The following CPLANE1 variants were observed in gnomAD, a reference collection of about 807,000 sequenced individuals.
The protein encoded by CPLANE1 is ciliogenesis and planar polarity effector complex subunit 1, also known as ciliogenesis and planar polarity effector 1.
In CPLANE1, 263 loss-of-function variants were observed where a neutral mutation model predicts 362.5. The ratio of observed to expected loss-of-function variants is 0.73; its 90% CI spans 0.66 to 0.80. CPLANE1 has a LOEUF of 0.80. CPLANE1 is among the 30% of genes least tolerant of loss of function. The pLI is 0.00. For missense variants in CPLANE1, 3,461 were observed against 3,793.4 expected, an observed-to-expected ratio of 0.91 and a Z score of 2.30; for synonymous variants, 1,212 against 1,302.6, an observed-to-expected ratio of 0.93 and a Z score of 1.50.
chr5:37,085,065 G>A, the CPLANE1 span: 1 of 702,540 alleles, frequency 1.4e-6, no homozygotes, highest in East Asian at 2.5e-5. Context: ...CATGGCTGGT[G>A]GTCCCAAGAA....
At chr5:37,239,346 T>C (rs1799755937) in intron 7 of CPLANE1, among the ~76,000 whole-genome samples, 1 of 151,920 alleles carries the variant, frequency 6.6e-6, no homozygotes, top group South Asian at 2.1e-4. Flanking sequence ...TTTGGGAGGC[T>C]GAGGTGGGAG....
At chr5:37,168,598 A>G (rs937568832) in intron 34 of CPLANE1, among the ~76,000 whole-genome samples, 193 bp downstream of exon 34, 2 of 152,210 alleles carry the variant, frequency 1.3e-5, no homozygotes, top group African/African-American at 4.8e-5. Flanking sequence ...TTGGCCTCCC[A>G]AAGTATTGGG....
chr5:37,237,062 C>T (rs1799161439), intron 8 of CPLANE1, among the ~76,000 whole-genome samples: 1 of 152,114 alleles, frequency 6.6e-6, no homozygotes, highest in Non-Finnish European at 1.5e-5. Flanking sequence ...TAGGAACTAC[C>T]ATTCAATCTA....
intron 15 of CPLANE1, among the ~76,000 whole-genome samples, chr5:37,219,537 GA>G (rs201991640): frequency 1.3e-5 from 2 of 148,564 alleles, no homozygotes; most frequent in Admixed American, 6.7e-5. Context: ...CAAAAAAAAA[GA>G]AAAAAAAAAT....
rs1783143728 is a variant in CPLANE1 at position 37,183,224 on chromosome 5, C to T, written c.4957G>A (p.Val1653Ile). ...AAAAAAGGTTTGATCCCTTGATTAACCAGTACTGATGATGAAAGTTTCTGG... is the reference window on the plus strand; with the variant it reads ...AAAAAAGGTTTGATCCCTTGATTAATCAGTACTGATGATGAAAGTTTCTGG... ...ENQKLSSSVLVNQGIKPFLQY... is the reference protein window; with the variant it reads ...ENQKLSSSVLINQGIKPFLQY... Residue 1653 changes from valine (V) to isoleucine (I), a missense_variant, in exon 26 of 53, where the codon GTT (valine) becomes ATT (isoleucine). Val to Ile is a conservative substitution (Grantham distance 29). This residue lies in a region of CPLANE1 where 3,380 missense variants were observed against 3,666.1 expected (regional missense o/e 0.92). Coordinates refer to ENST00000651892, the MANE Select transcript of CPLANE1 (RefSeq NM_001384732.1). 6.2e-7 allele frequency: 1 copy of T among 1,612,202 alleles called. No homozygotes were observed. Among genetic ancestry groups the T allele is most frequent in the Non-Finnish European group, 8.5e-7 (1 of 1,179,434 alleles).
At position 37,183,617 on chromosome 5, in the gene CPLANE1, T is replaced by C. The variant is rs536420243; in HGVS notation, c.4564A>G (p.Thr1522Ala). ...RKMCNQKENP[T>A]KKEDHEKLSQ... ...AACTTTTCATGATCTTCTTTCTTTG[T>C]AGGATTTTCTTTCTGATTACACATT... The change falls in exon 26 of 53, where the codon ACA (threonine) becomes GCA (alanine). Residue 1522 changes from threonine to alanine, a missense_variant. Coordinates refer to ENST00000651892, the MANE Select transcript of CPLANE1 (RefSeq NM_001384732.1). The C allele has an allele frequency of 3.1e-6, 5 of 1,612,428 alleles. No homozygotes were observed. Among genetic ancestry groups the C allele is most frequent in the East Asian group, 2.2e-5 (1 of 44,790 alleles).
chr5:37,076,406 G>GAT, the CPLANE1 span, among the ~76,000 whole-genome samples: 2,204 of 152,204 alleles, frequency 0.014, 59 homozygotes, highest in African/African-American at 0.051. Context: ...TCGCCTCCCA[G>GAT]ATTCAAGTGA....
chr5:37,142,243 A>T lies in CPLANE1; in HGVS notation c.8632+67T>A, dbSNP rs1769975031. Reference sequence around the variant, plus strand: ...ACCTTTCATAACTATATTCCCAGTAAATCATGTTCAGTAACATTATAATGG... The same window carrying T: ...ACCTTTCATAACTATATTCCCAGTATATCATGTTCAGTAACATTATAATGG... On this transcript the variant is annotated intron_variant, in intron 44 of 52. Transcript: ENST00000651892. 2.2e-6 allele frequency: 3 copies of T among 1,372,540 alleles called. No homozygotes were observed. In the South Asian group the frequency reaches 6.5e-5, roughly 30 times the overall value. 85.0% of individuals were successfully genotyped at this position (1,372,540 alleles called of 1,614,324 possible). A position where few individuals can be genotyped will look rare whatever the true frequency, so the allele number is the denominator to read the frequency against.
intron 39 of CPLANE1, 58 bp downstream of exon 39, chr5:37,158,166 T>C: frequency 2.6e-6 from 4 of 1,561,770 alleles, no homozygotes; most frequent in Non-Finnish European, 3.5e-6. Context: ...AATGTCTACA[T>C]GACCATAATA....
At chr5:37,081,608 C>T in the CPLANE1 span, among the ~76,000 whole-genome samples, 9 of 151,924 alleles carry the variant, frequency 5.9e-5, no homozygotes, top group Non-Finnish European at 8.8e-5. Context: ...CAGGTATGAG[C>T]CACTGTGTCC....
chr5:37,199,409 T>C (rs547091181), intron 19 of CPLANE1, among the ~76,000 whole-genome samples: 39 of 152,316 alleles, frequency 2.6e-4, no homozygotes, highest in Middle Eastern at 3.4e-3. Flanking sequence ...TATATTTCAA[T>C]GTTACTTCCT....
In CPLANE1 at chr5:37,144,495, A is replaced by T. The variant is rs565771910; in HGVS notation, c.8462-2015T>A. ...TACCAGAGAGCATCTCAGGCAATAAAAGGTATCATGAAACTTGTTTTGGTT... is the reference window on the plus strand; with the variant it reads ...TACCAGAGAGCATCTCAGGCAATAATAGGTATCATGAAACTTGTTTTGGTT... On this transcript the variant is annotated intron_variant, in intron 43 of 52. Transcript: ENST00000651892. 3.5e-4 allele frequency among the ~76,000 whole-genome samples: 53 copies of T among 152,178 alleles called. 1 individual carries two copies. The South Asian group carries it at 0.011, about 32-fold the overall frequency.
intron 52 of CPLANE1, 61 bp from the exon 53 acceptor site, chr5:37,107,839 C>A: frequency 6.8e-7 from 1 of 1,468,372 alleles, no homozygotes; most frequent in Middle Eastern, 1.8e-4. Flanking sequence ...AAAACAAAAA[C>A]AAAAAAACCT....
In CPLANE1 at chr5:37,214,165, T is replaced by C. The variant is rs1049778430; in HGVS notation, c.2747-433A>G. 3.3e-5 allele frequency among the ~76,000 whole-genome samples: 5 copies of C among 152,182 alleles called. No homozygotes were observed. The East Asian group carries it at 9.6e-4, about 29-fold the overall frequency. ...TAAAATACATATAAACTATAAAAAGTTAAAATTTATCAAAATTGGCTGGGT... is the reference window on the plus strand; with the variant it reads ...TAAAATACATATAAACTATAAAAAGCTAAAATTTATCAAAATTGGCTGGGT... On this transcript the variant is annotated intron_variant, in intron 15 of 52. Coordinates refer to ENST00000651892, the MANE Select transcript of CPLANE1 (RefSeq NM_001384732.1).
intron 18 of CPLANE1, 48 bp from the exon 19 acceptor site, chr5:37,201,856 T>G (rs764022055): frequency 1.5e-6 from 2 of 1,324,066 alleles, no homozygotes; most frequent in South Asian, 2.6e-5. Flanking sequence ...TGTATTAAAC[T>G]TCTTATCCAT....
At chr5:37,085,107 T>G in the CPLANE1 span, 16 of 742,406 alleles carry the variant, frequency 2.2e-5, no homozygotes, top group Non-Finnish European at 3.8e-5. Context: ...TCCAAAGCAT[T>G]GGATGCTGGA....
In CPLANE1 at chr5:37,212,528, T is replaced by C. The variant is rs182420950; in HGVS notation, c.2920+1031A>G. The stretch of plus-strand genomic sequence containing the variant: ...AAAAAAAGAAAGAAACTACAAATGT[T>C]TTCGTATTATCAATTTCATGTGGTG... On this transcript the variant is annotated intron_variant, in intron 16 of 52. Transcript: ENST00000651892. 2,404 of 542,660 alleles carry C rather than the reference T, an allele frequency of 4.4e-3. 21 individuals are homozygous for C. The highest frequency in any genetic ancestry group is 5.0e-3 in the South Asian group (260 of 52,142). The allele number at this position is 542,660 out of a possible 1,614,324, so 33.6% of individuals were successfully genotyped here. A position where few individuals can be genotyped will look rare whatever the true frequency, so the allele number is the denominator to read the frequency against.
Position 37,231,061 on chromosome 5 carries a change from A to G in CPLANE1, c.939-12T>C. 1 of 1,498,150 alleles carries G rather than the reference A, an allele frequency of 6.7e-7. No homozygotes were observed. The highest frequency in any genetic ancestry group is 2.5e-5 in the East Asian group (1 of 39,822). 92.8% of individuals were successfully genotyped at this position (1,498,150 alleles called of 1,614,324 possible). On this transcript the variant is annotated splice_polypyrimidine_tract_variant and intron_variant, in intron 8 of 52. Transcript: ENST00000651892. The stretch of plus-strand genomic sequence containing the variant: ...CTACCCAGTAGGACCTATAATAAAT[A>G]AGAGACAACATGTTTAGAAGAGATA...
chr5:37,196,083 A>T, intron 20 of CPLANE1, 87 bp from the exon 21 acceptor site: 1 of 1,106,706 alleles, frequency 9.0e-7, no homozygotes, highest in Non-Finnish European at 1.2e-6. Flanking sequence ...GGCAGGTAAG[A>T]TAAGCCACAC....
Sources: allele counts gnomAD v4.1 joint callset (sites outside exome capture counted in the v4.1 genomes callset), GRCh38; gene constraint gnomAD v4.1.1; regional missense constraint gnomAD v4.1.1; transcripts MANE v1.5; gene names NCBI Gene and HGNC (gene_info 2026-07-23, HGNC 2026-07-21).